The following ASTN1 variants were observed in gnomAD, a reference collection of about 807,000 sequenced individuals.
ASTN1 encodes the protein astrotactin-1.
A neutral mutation model predicts 140.7 loss-of-function variants in ASTN1; 41 were observed. The observed-to-expected ratio is 0.29, with a 90% CI of 0.23 to 0.38. ASTN1 has a LOEUF of 0.38. ASTN1 is among the 10% of genes least tolerant of loss of function. The pLI is 1.00. For synonymous variants in ASTN1, 640 were observed against 652.2 expected (o/e 0.98, Z 0.29); for missense variants, 1,479 against 1,678.8 (o/e 0.88, Z 2.08).
chr1:176,902,716 C>A (rs753021534), intron 16 of ASTN1, among the ~76,000 whole-genome samples: 2 of 152,166 alleles, frequency 1.3e-5, no homozygotes, highest in Non-Finnish European at 2.9e-5. Context: ...GTAGAATTTT[C>A]TAAGAGATTA....
At position 177,006,404 on chromosome 1, in the gene ASTN1, T is replaced by TA. The variant is rs75564740; in HGVS notation, c.1523+8386dup. 1.8e-3 allele frequency among the ~76,000 whole-genome samples: 250 copies of TA among 142,850 alleles called. 1 individual carries two copies. Among genetic ancestry groups the TA allele is most frequent in the African/African-American group, 3.8e-3 (147 of 38,934 alleles). The allele number at this position is 142,850 out of a possible 152,430, so 93.7% of individuals were successfully genotyped here. ...AATGAATGTATTTTTTTCTATTGAT[T>TA]AAAAAAAAAAAAGATAAATAGCCAA... On this transcript the variant is annotated intron_variant, in intron 8 of 22. Transcript: ENST00000361833.
intron 16 of ASTN1, among the ~76,000 whole-genome samples, chr1:176,926,173 C>T (rs1415609758): frequency 6.6e-6 from 1 of 151,584 alleles, no homozygotes; most frequent in Non-Finnish European, 1.5e-5. Flanking sequence ...ATCATTTAAG[C>T]TCTCATTATT....
intron 2 of ASTN1, among the ~76,000 whole-genome samples, chr1:177,046,491 C>T (rs1677230641): frequency 6.6e-6 from 1 of 152,172 alleles, no homozygotes; most frequent in Admixed American, 6.5e-5. Context: ...GCCCAGAAGG[C>T]TGAGTCAGGG....
At chr1:177,041,379 G>T (rs1676964728) in intron 2 of ASTN1, among the ~76,000 whole-genome samples, 1 of 152,194 alleles carries the variant, frequency 6.6e-6, no homozygotes, top group Admixed American at 6.5e-5. Context: ...GCACAAATGT[G>T]TGTATTATGT....
At chr1:176,880,571 G>A (rs1216820154) in intron 20 of ASTN1, among the ~76,000 whole-genome samples, 1 of 152,172 alleles carries the variant, frequency 6.6e-6, no homozygotes, top group Non-Finnish European at 1.5e-5. Context: ...TCAAGTAGGA[G>A]TTCTTCGCTG....
intron 2 of ASTN1, among the ~76,000 whole-genome samples, chr1:177,036,133 C>T (rs1676708732): frequency 6.7e-6 from 1 of 148,516 alleles, no homozygotes; most frequent in Non-Finnish European, 1.5e-5. Flanking sequence ...TCACTGCAAC[C>T]TCCACCTCCC....
At chr1:177,101,090 C>CA (rs1268643317) in intron 1 of ASTN1, among the ~76,000 whole-genome samples, 2 of 151,784 alleles carry the variant, frequency 1.3e-5, no homozygotes, top group Non-Finnish European at 2.9e-5. Context: ...GAAACTCTCT[C>CA]AAAAAAATAA....
At chr1:176,939,774 T>C (rs749451386) in intron 14 of ASTN1, among the ~76,000 whole-genome samples, 1 of 141,876 alleles carries the variant, frequency 7.0e-6, no homozygotes, top group African/African-American at 2.6e-5. Flanking sequence ...TTACGGGCAA[T>C]ATTCAAAGCA....
intron 16 of ASTN1, among the ~76,000 whole-genome samples, chr1:176,931,171 C>A (rs1447918086): frequency 6.6e-6 from 1 of 152,090 alleles, no homozygotes; most frequent in Non-Finnish European, 1.5e-5. Context: ...TCTGTAAAAA[C>A]AAACTAAGAA....
intron 2 of ASTN1, among the ~76,000 whole-genome samples, chr1:177,047,731 T>G (rs547281239): frequency 6.6e-6 from 1 of 152,182 alleles, no homozygotes; most frequent in South Asian, 2.1e-4. Context: ...GAGCAGAGCA[T>G]GGTGAAAAGG....
intron 8 of ASTN1, among the ~76,000 whole-genome samples, chr1:176,999,228 G>A (rs1674602659): frequency 6.6e-6 from 1 of 152,202 alleles, no homozygotes; most frequent in Non-Finnish European, 1.5e-5. Context: ...TCCAGAGAAA[G>A]AGGATGGATC....
intron 13 of ASTN1, among the ~76,000 whole-genome samples, chr1:176,944,233 C>T (rs551697120): frequency 7.2e-5 from 11 of 152,236 alleles, no homozygotes; most frequent in South Asian, 2.1e-4. Context: ...TGTGCCACCA[C>T]GCCCGGCTAA....
At chr1:177,001,910 G>C (rs559272027) in intron 8 of ASTN1, among the ~76,000 whole-genome samples, 96 of 152,304 alleles carry the variant, frequency 6.3e-4, no homozygotes, top group African/African-American at 2.2e-3. Context: ...TTCAAAGTCA[G>C]CCTTCTTTTG....
chr1:177,076,121 T>TA (rs1289269608), intron 1 of ASTN1, among the ~76,000 whole-genome samples: 5 of 150,680 alleles, frequency 3.3e-5, no homozygotes, highest in African/African-American at 1.2e-4. Flanking sequence ...CTACTAAAAA[T>TA]ACAAAAAATT....
intron 8 of ASTN1, among the ~76,000 whole-genome samples, chr1:176,970,724 G>A (rs1161800222): frequency 1.0e-5 from 1 of 98,836 alleles, no homozygotes; most frequent in Admixed American, 1.2e-4. Context: ...ATATGAATGT[G>A]GGTATGGGTG....
intron 16 of ASTN1, among the ~76,000 whole-genome samples, chr1:176,926,362 G>A (rs1277108666): frequency 4.3e-4 from 65 of 151,180 alleles, no homozygotes; most frequent in Non-Finnish European, 4.4e-5. Context: ...TACATATCTA[G>A]TTTACTCTGG....
chr1:177,035,667 C>T (rs1198663861), intron 2 of ASTN1, among the ~76,000 whole-genome samples: 6 of 152,166 alleles, frequency 3.9e-5, no homozygotes, highest in East Asian at 1.9e-4. Flanking sequence ...TACTTTCTTT[C>T]AACTTAGGGA....
At chr1:176,987,345 C>G (rs982120447) in intron 8 of ASTN1, among the ~76,000 whole-genome samples, 1 of 152,168 alleles carries the variant, frequency 6.6e-6, no homozygotes, top group African/African-American at 2.4e-5. Context: ...TCCAATAGAA[C>G]TTTATTTACA....
At chr1:177,003,808 G>A (rs958728302) in intron 8 of ASTN1, among the ~76,000 whole-genome samples, 1 of 146,536 alleles carries the variant, frequency 6.8e-6, no homozygotes, top group Non-Finnish European at 1.5e-5. Flanking sequence ...GCAAGACTCT[G>A]TCTAAAAAAA....
Sources: allele counts gnomAD v4.1 joint callset (sites outside exome capture counted in the v4.1 genomes callset), GRCh38; gene constraint gnomAD v4.1.1; transcripts MANE v1.5; gene names NCBI Gene and HGNC (gene_info 2026-07-23, HGNC 2026-07-21).